COL4A2: variants seen among roughly 807,000 people sequenced by gnomAD.
COL4A2 encodes collagen type IV alpha 2 chain.
A neutral mutation model predicts 200.2 loss-of-function variants in COL4A2; 99 were observed. That is an observed-to-expected ratio of 0.49 (90% confidence interval 0.42 to 0.58). The LOEUF (loss-of-function observed/expected upper bound fraction) is 0.58. COL4A2 is among the 20% of genes least tolerant of loss of function. The probability of loss-of-function intolerance (pLI) is 0.00; values close to 1 mark genes in which losing one functional copy is unlikely to be tolerated. For synonymous variants in COL4A2, 897 were observed against 900.6 expected, an observed-to-expected ratio of 1.00 and a Z score of 0.07; for missense variants, 1,950 against 2,314.1, an observed-to-expected ratio of 0.84 and a Z score of 3.23.
chr13:110,458,919 G>A lies in COL4A2; in HGVS notation c.1581G>A (p.Gly527=), dbSNP rs1304679297. 1.9e-6 allele frequency: 3 copies of A among 1,581,756 alleles called. No homozygotes were observed. Among genetic ancestry groups the A allele is most frequent in the South Asian group, 2.3e-5 (2 of 86,384 alleles). ...ACCCCGGCCAACACGGCCTCCCTGG[G>A]TTCCCAGGGCTCAAGGTGAGGAGCA... is the stretch of plus-strand genomic sequence containing the variant. The part of the protein sequence containing the change: ...RGDPGQHGLP[G]FPGLKGVPGN... Residue 527 remains glycine, a synonymous_variant, in exon 22 of 48, where the codon GGG becomes GGA. Coordinates refer to ENST00000360467, the MANE Select transcript of COL4A2 (RefSeq NM_001846.4).
intron 3 of COL4A2, among the ~76,000 whole-genome samples, chr13:110,311,632 T>C (rs1884985474): frequency 6.6e-6 from 1 of 152,186 alleles, no homozygotes; most frequent in Non-Finnish European, 1.5e-5. Flanking sequence ...AGGTATCCCC[T>C]GGGCCTGTTT....
chr13:110,356,287 C>T (rs971805957), intron 3 of COL4A2, among the ~76,000 whole-genome samples: 1 of 152,202 alleles, frequency 6.6e-6, no homozygotes, highest in South Asian at 2.1e-4. Context: ...AGGAAAGCCT[C>T]TTCCCGGCAT....
Position 110,438,884 on chromosome 13 carries a change from A to G in COL4A2, c.912+216A>G, listed in dbSNP as rs9521760. Reference sequence around the variant, plus strand: ...CTGCGCTGGCTACAATCCGTGAACCATCTTGACACACCGTCTTCACCCAGC... The same window carrying G: ...CTGCGCTGGCTACAATCCGTGAACCGTCTTGACACACCGTCTTCACCCAGC... On this transcript the variant is annotated intron_variant, in intron 15 of 47. Transcript: ENST00000360467. Among the ~76,000 whole-genome samples the G allele has an allele frequency of 0.72, 107,724 of 150,480 alleles. 39,492 individuals are homozygous for G. Among genetic ancestry groups the G allele is most frequent in the African/African-American group, 0.8 (32,753 of 40,730 alleles).
chr13:110,335,530 G>A (rs901010869), intron 3 of COL4A2, among the ~76,000 whole-genome samples: 34 of 152,260 alleles, frequency 2.2e-4, no homozygotes, highest in African/African-American at 8.2e-4. Context: ...CAGCCACATG[G>A]AACTGTGAGT....
intron 26 of COL4A2, 145 bp downstream of exon 26, chr13:110,466,207 T>G: frequency 1.2e-6 from 1 of 854,472 alleles, no homozygotes; most frequent in Non-Finnish European, 1.8e-6. Context: ...CATAGTGGCC[T>G]GGTGAGCACT....
chr13:110,495,079 A>C (rs889719652), intron 39 of COL4A2, among the ~76,000 whole-genome samples: 1 of 152,174 alleles, frequency 6.6e-6, no homozygotes, highest in African/African-American at 2.4e-5. Flanking sequence ...TCCTTGACCC[A>C]CTGTTTCTGT....
intron 22 of COL4A2, among the ~76,000 whole-genome samples, chr13:110,461,504 T>C (rs1016978840): frequency 6.6e-6 from 1 of 152,244 alleles, no homozygotes; most frequent in African/African-American, 2.4e-5. Flanking sequence ...TTCCACTGCA[T>C]TGTATTTACT....
intron 4 of COL4A2, among the ~76,000 whole-genome samples, chr13:110,363,796 G>A (rs981824669): frequency 1.3e-5 from 2 of 152,198 alleles, no homozygotes; most frequent in African/African-American, 4.8e-5. Context: ...CTTCCCCAAG[G>A]AGAGAATTGC....
At chr13:110,362,285 T>C (rs1877550933) in intron 4 of COL4A2, among the ~76,000 whole-genome samples, 1 of 152,226 alleles carries the variant, frequency 6.6e-6, no homozygotes, top group Non-Finnish European at 1.5e-5. Flanking sequence ...GGAATAATTA[T>C]AAATGATAAG....
intron 3 of COL4A2, among the ~76,000 whole-genome samples, chr13:110,334,605 A>G (rs1000347943): frequency 6.6e-6 from 1 of 152,236 alleles, no homozygotes; most frequent in African/African-American, 2.4e-5. Flanking sequence ...TATGAGCTGA[A>G]CATATTTGCT....
At position 110,424,835 on chromosome 13, in the gene COL4A2, AG is replaced by A; in HGVS notation, c.283del (p.Ala95ProfsTer4). On this transcript the variant is annotated frameshift_variant, in exon 5 of 48. Transcript: ENST00000360467. LOFTEE classifies it high-confidence loss of function. ...GTAAAGGAGACAAGGGTGAAAGGGG[AG>A]CCCCCGGAGTAACGGGACCCAAGGG... ...GRKGDKGERG[A>X]PGVTGPKGDV... 6.2e-7 allele frequency: 1 copy of A among 1,614,024 alleles called. No homozygotes were observed. The highest frequency in any genetic ancestry group is 8.5e-7 in the Non-Finnish European group (1 of 1,179,932).
At chr13:110,457,551 A>G in intron 21 of COL4A2, 116 bp downstream of exon 21, 1 of 727,578 alleles carries the variant, frequency 1.4e-6, no homozygotes, top group Non-Finnish European at 2.5e-6. Context: ...ATGAGCCTGC[A>G]TGTCTCTCCC....
At chr13:110,331,622 C>T (rs1331287033) in intron 3 of COL4A2, among the ~76,000 whole-genome samples, 1 of 152,182 alleles carries the variant, frequency 6.6e-6, no homozygotes, top group African/African-American at 2.4e-5. Context: ...TTCACAACCA[C>T]AAAGCCAAGT....
chr13:110,449,850 A>T, intron 19 of COL4A2, 61 bp downstream of exon 19: 1 of 1,492,044 alleles, frequency 6.7e-7, no homozygotes, highest in Non-Finnish European at 9.0e-7. Flanking sequence ...AGGTCCTAGC[A>T]CACACAAGGG....
intron 4 of COL4A2, among the ~76,000 whole-genome samples, chr13:110,385,421 T>TGTGTGGATAGGCC (rs1878653612): frequency 1.3e-5 from 1 of 79,292 alleles, no homozygotes; most frequent in Admixed American, 1.2e-4. Flanking sequence ...GTGGATAGAC[T>TGTGTGGATAGGCC]GTGGTTACAG....
chr13:110,329,875 C>G (rs1453697000), intron 3 of COL4A2, among the ~76,000 whole-genome samples: 1 of 152,156 alleles, frequency 6.6e-6, no homozygotes, highest in Non-Finnish European at 1.5e-5. Context: ...GCACACCCAG[C>G]AAAGTGCATA....
chr13:110,311,640 T>C (rs552847441), intron 3 of COL4A2, among the ~76,000 whole-genome samples: 2 of 152,130 alleles, frequency 1.3e-5, no homozygotes, highest in South Asian at 4.1e-4. Flanking sequence ...CCTGGGCCTG[T>C]TTAAGGGACT....
intron 16 of COL4A2, among the ~76,000 whole-genome samples, chr13:110,440,552 C>T (rs1037728094): frequency 2.6e-4 from 39 of 152,128 alleles, no homozygotes; most frequent in African/African-American, 8.9e-4. Flanking sequence ...GCCGAGATCG[C>T]GCCATTGCAC....
intron 4 of COL4A2, among the ~76,000 whole-genome samples, chr13:110,373,721 A>G (rs1378937897): frequency 2.6e-5 from 4 of 152,198 alleles, no homozygotes; most frequent in Admixed American, 2.6e-4. Context: ...CATCCCTAAA[A>G]TTATATCAAA....
Sources: allele counts gnomAD v4.1 joint callset (sites outside exome capture counted in the v4.1 genomes callset), GRCh38; gene constraint gnomAD v4.1.1; transcripts MANE v1.5; gene names NCBI Gene and HGNC (gene_info 2026-07-23, HGNC 2026-07-21).